The following ALK variants were observed in gnomAD, a reference collection of about 807,000 sequenced individuals.
ALK encodes the protein ALK tyrosine kinase receptor.
Under a neutral mutation model 163.1 loss-of-function variants are expected in ALK, and 74 were observed. The ratio of observed to expected loss-of-function variants is 0.45; its 90% CI spans 0.38 to 0.55. The LOEUF (loss-of-function observed/expected upper bound fraction) is 0.55, where lower values mean the gene tolerates loss of function less well. Ranked by LOEUF, ALK falls within the 20% of genes least tolerant of loss-of-function variation. ALK has a pLI of 0.00. For missense variants in ALK, 2,063 were observed against 2,105.3 expected (o/e 0.98, Z 0.39); for synonymous variants, 960 against 843.2 (o/e 1.14, Z -2.40).
intron 1 of ALK, chr2:29,899,550 G>T (rs532141123): frequency 2.1e-4 from 32 of 152,486 alleles, no homozygotes; most frequent in African/African-American, 5.8e-4. Context: ...CCTAGGGCTG[G>T]GCACAGTGGA....
At chr2:29,809,843 G>A (rs1406970167) in intron 1 of ALK, among the ~76,000 whole-genome samples, 2 of 152,194 alleles carry the variant, frequency 1.3e-5, no homozygotes, top group African/African-American at 2.4e-5. Flanking sequence ...GCTGCTGGAT[G>A]GTCCAGCTTC....
intron 3 of ALK, among the ~76,000 whole-genome samples, chr2:29,576,434 C>T (rs1380845498): frequency 3.3e-5 from 5 of 152,210 alleles, no homozygotes; most frequent in Admixed American, 3.3e-4. Context: ...TGGCAAATGC[C>T]CTCAACTGTC....
intron 9 of ALK, among the ~76,000 whole-genome samples, chr2:29,279,438 G>A (rs1038665959): frequency 8.5e-5 from 13 of 152,274 alleles, no homozygotes; most frequent in African/African-American, 3.1e-4. Context: ...GGACAAAGGT[G>A]GGACAAAGGT....
At chr2:29,380,808 C>T (rs1328105742) in intron 5 of ALK, among the ~76,000 whole-genome samples, 1 of 152,184 alleles carries the variant, frequency 6.6e-6, no homozygotes, top group South Asian at 2.1e-4. Context: ...GGGAGATCCT[C>T]CTCCATGATC....
intron 6 of ALK, among the ~76,000 whole-genome samples, chr2:29,324,565 G>GT (rs1667190798): frequency 6.6e-6 from 1 of 152,216 alleles, no homozygotes; most frequent in African/African-American, 2.4e-5. Context: ...GGCAGGAAGA[G>GT]TATCCCCAGC....
intron 1 of ALK, among the ~76,000 whole-genome samples, chr2:29,898,138 G>A (rs1373541600): frequency 6.6e-6 from 1 of 152,204 alleles, no homozygotes; most frequent in African/African-American, 2.4e-5. Flanking sequence ...ATGGCCTCAG[G>A]GCCTCTCTTT....
Position 29,207,227 on chromosome 2 carries a change from C to T in ALK, c.3882G>A (p.Lys1294=), listed in dbSNP as rs2148152095. Residue 1294 remains lysine (K), a synonymous_variant, in exon 26 of 29, where the codon AAG becomes AAA. Transcript: ENST00000389048. ...RKGGCAMLPV[K]WMPPEAFMEG... is the part of the protein sequence containing the mutation. ...CCATGAAGGCCTCTGGGGGCATCCA[C>T]TTAACTGGCAGCATGGCACAGCCTC... The T allele has an allele frequency of 6.2e-7, 1 of 1,614,180 alleles. No homozygotes were observed. The highest frequency in any genetic ancestry group is 8.5e-7 in the Non-Finnish European group (1 of 1,180,034).
intron 8 of ALK, 113 bp downstream of exon 8, chr2:29,318,191 C>T: frequency 1.2e-6 from 1 of 838,166 alleles, no homozygotes; most frequent in Non-Finnish European, 2.0e-6. Context: ...CTCTTGTTCT[C>T]TCCCCAGGAG....
intron 1 of ALK, among the ~76,000 whole-genome samples, chr2:29,868,369 A>T (rs1384242198): frequency 6.6e-6 from 1 of 152,246 alleles, no homozygotes; most frequent in Non-Finnish European, 1.5e-5. Flanking sequence ...AAGATTCTGC[A>T]CTTGTGAAGA....
intron 5 of ALK, among the ~76,000 whole-genome samples, chr2:29,381,070 C>A (rs1156419151): frequency 6.6e-6 from 1 of 152,188 alleles, no homozygotes; most frequent in Non-Finnish European, 1.5e-5. Context: ...ACAAAGGCAG[C>A]AGAGGCTAGT....
At chr2:29,426,514 T>C (rs1234935510) in intron 4 of ALK, among the ~76,000 whole-genome samples, 1 of 152,124 alleles carries the variant, frequency 6.6e-6, no homozygotes, top group Non-Finnish European at 1.5e-5. Flanking sequence ...ATGTTCAAAG[T>C]GCTGAAAGAA....
At chr2:29,586,241 ATT>A (rs57331403) in intron 3 of ALK, among the ~76,000 whole-genome samples, 6 of 145,798 alleles carry the variant, frequency 4.1e-5, no homozygotes, top group African/African-American at 7.7e-5. Flanking sequence ...GGATATTAAC[ATT>A]TTTTTTTTTA....
chr2:29,886,343 G>C (rs1666984503), intron 1 of ALK, among the ~76,000 whole-genome samples: 1 of 152,194 alleles, frequency 6.6e-6, no homozygotes, highest in Admixed American at 6.5e-5. Flanking sequence ...ACTGTGTAAA[G>C]GGTCAACTGT....
chr2:29,484,671 T>C (rs1456048446), intron 4 of ALK, among the ~76,000 whole-genome samples: 1 of 152,208 alleles, frequency 6.6e-6, no homozygotes, highest in Non-Finnish European at 1.5e-5. Context: ...TCCCTTTAAA[T>C]TTGTTTTCTT....
chr2:29,698,492 A>G (rs2148292887), intron 2 of ALK, among the ~76,000 whole-genome samples: 1 of 152,234 alleles, frequency 6.6e-6, no homozygotes, highest in African/African-American at 2.4e-5. Context: ...CAAAGCTTCG[A>G]CTTCTGCGGC....
At chr2:29,706,918 A>C (rs1678926075) in intron 2 of ALK, among the ~76,000 whole-genome samples, 1 of 151,460 alleles carries the variant, frequency 6.6e-6, no homozygotes, top group African/African-American at 2.4e-5. Context: ...ACCAGAACCC[A>C]GATTGGACTT....
chr2:29,799,189 C>T (rs143788466), intron 1 of ALK, among the ~76,000 whole-genome samples: 1 of 152,312 alleles, frequency 6.6e-6, no homozygotes, highest in Non-Finnish European at 1.5e-5. Flanking sequence ...ATAGTTGCTT[C>T]TCTATCATTT....
chr2:29,857,224 C>G (rs1666163530), intron 1 of ALK, among the ~76,000 whole-genome samples: 1 of 152,048 alleles, frequency 6.6e-6, no homozygotes, highest in South Asian at 2.1e-4. Context: ...TCTTAAGATC[C>G]TACAAGACTA....
At chr2:29,570,415 G>T (rs1674325011) in intron 3 of ALK, among the ~76,000 whole-genome samples, 1 of 152,162 alleles carries the variant, frequency 6.6e-6, no homozygotes, top group Non-Finnish European at 1.5e-5. Flanking sequence ...GTGTGCCCAG[G>T]TAGGACCGAC....
Sources: gnomAD v4.1 joint callset for allele counts (sites outside exome capture counted in the v4.1 genomes callset) on GRCh38, gnomAD v4.1.1 for gene constraint, MANE v1.5 for transcripts, NCBI Gene and HGNC (gene_info 2026-07-23, HGNC 2026-07-21) for gene names.